The following EIF3D variants were observed in gnomAD, a reference collection of about 807,000 sequenced individuals.
EIF3D encodes the protein eIF3 p66.
A neutral mutation model predicts 75.4 loss-of-function variants in EIF3D; 10 were observed. The observed-to-expected ratio is 0.13, with a 90% CI of 0.08 to 0.22. The LOEUF is 0.22. Among genes scored for constraint, EIF3D ranks in the 10% least tolerant of loss-of-function variants. The probability of loss-of-function intolerance (pLI) is 1.00; values close to 1 mark genes in which losing one functional copy is unlikely to be tolerated. For missense variants in EIF3D, 394 were observed against 708.0 expected (o/e 0.56, Z 5.03); for synonymous variants, 246 against 248.3 (o/e 0.99, Z 0.09).
At chr22:36,520,481 C>G (rs965359127) in intron 7 of EIF3D, 95 bp downstream of exon 7, 1 of 852,298 alleles carries the variant, frequency 1.2e-6, no homozygotes, top group Non-Finnish European at 1.8e-6. Context: ...GGCTTCAAAG[C>G]CTTTTTGGAA....
chr22:36,517,949 T>C (rs1275998937), intron 9 of EIF3D, among the ~76,000 whole-genome samples: 1 of 152,008 alleles, frequency 6.6e-6, no homozygotes, highest in African/African-American at 2.4e-5. Context: ...GGTTTCACCA[T>C]GTTGGCCAGG....
intron 13 of EIF3D, among the ~76,000 whole-genome samples, chr22:36,512,036 G>A (rs539305584): frequency 1.8e-4 from 27 of 151,518 alleles, no homozygotes; most frequent in Middle Eastern, 3.4e-3. Flanking sequence ...GGCTACAGGC[G>A]CCCGCCACTA....
chr22:36,512,718 C>A, intron 12 of EIF3D, 116 bp from the exon 13 acceptor site: 1 of 1,190,958 alleles, frequency 8.4e-7, no homozygotes, highest in Non-Finnish European at 1.2e-6. Flanking sequence ...TGGGTAGGTA[C>A]GCACTAAATC....
rs772754320 is a variant in EIF3D at position 36,529,140 on chromosome 22, A to G, written c.-75T>C. On this transcript the variant is annotated 5_prime_UTR_variant, in exon 1 of 15. Coordinates refer to ENST00000216190, the MANE Select transcript of EIF3D (RefSeq NM_003753.4). The stretch of plus-strand genomic sequence containing the variant: ...GCGTGCCGGGGACCGCGTTAGCAGC[A>G]GCACTCTTGAGAAACCAGGAAAAGA... 2.5e-6 allele frequency: 1 copy of G among 396,460 alleles called. No individual in the cohort carries two copies. Among genetic ancestry groups the G allele is most frequent in the East Asian group, 3.6e-5 (1 of 28,026 alleles). 24.6% of individuals were successfully genotyped at this position (396,460 alleles called of 1,614,324 possible). A position where few individuals can be genotyped will look rare whatever the true frequency, so the allele number is the denominator to read the frequency against.
At position 36,522,716 on chromosome 22, in the gene EIF3D, T is replaced by C. The variant is rs117281477; in HGVS notation, c.465+493A>G. Among the ~76,000 whole-genome samples, 1,154 of 152,352 alleles carry C rather than the reference T, an allele frequency of 7.6e-3. 5 individuals carry two copies. Among genetic ancestry groups the C allele is most frequent in the Admixed American group, 0.012 (183 of 15,296 alleles). ...ATTCATTTGGCAATCTGGTTGCTACTGCGGCAGTGTCGGGAGGTAGGGCCT... is the reference window on the plus strand; with the variant it reads ...ATTCATTTGGCAATCTGGTTGCTACCGCGGCAGTGTCGGGAGGTAGGGCCT... On this transcript the variant is annotated intron_variant, in intron 6 of 14. Coordinates refer to ENST00000216190, the MANE Select transcript of EIF3D (RefSeq NM_003753.4).
At chr22:36,528,962 C>G (rs967261329) in intron 1 of EIF3D, 114 bp downstream of exon 1, 1 of 253,898 alleles carries the variant, frequency 3.9e-6, no homozygotes, top group Non-Finnish European at 7.4e-6. Context: ...AGCGGAGGGA[C>G]GGCAACAGCA....
chr22:36,517,171 C>G (rs1247613007), intron 10 of EIF3D, 130 bp downstream of exon 10: 1 of 1,243,074 alleles, frequency 8.0e-7, no homozygotes, highest in African/African-American at 1.5e-5. Flanking sequence ...ATGTAACTCC[C>G]CTGCTAAAGG....
chr22:36,512,292 G>A (rs1375951028), intron 13 of EIF3D, among the ~76,000 whole-genome samples, 168 bp downstream of exon 13: 1 of 152,188 alleles, frequency 6.6e-6, no homozygotes, highest in Non-Finnish European at 1.5e-5. Context: ...CATTCAGCAT[G>A]CCTGCTGTTT....
intron 12 of EIF3D, 35 bp from the exon 13 acceptor site, chr22:36,512,637 G>A (rs1377077276): frequency 1.9e-6 from 3 of 1,594,896 alleles, no homozygotes; most frequent in Admixed American, 3.4e-5. Flanking sequence ...ACAGAAGCAA[G>A]CTCCAAATGC....
At position 36,523,751 on chromosome 22, in the gene EIF3D, A is replaced by T; in HGVS notation, c.392+144T>A. ...TGAACCAGCCTGAGAACGACAAGCTAAAAGGGGGCTTAACTGGTTGTAGAA... is the reference window on the plus strand; with the variant it reads ...TGAACCAGCCTGAGAACGACAAGCTTAAAGGGGGCTTAACTGGTTGTAGAA... On this transcript the variant is annotated intron_variant, in intron 5 of 14. Coordinates refer to ENST00000216190, the MANE Select transcript of EIF3D (RefSeq NM_003753.4). 1.2e-5 allele frequency: 9 copies of T among 771,592 alleles called. 1 individual carries two copies. In the South Asian group the frequency reaches 1.4e-4, roughly 12 times the overall value. 47.8% of individuals were successfully genotyped at this position (771,592 alleles called of 1,614,324 possible).
At chr22:36,518,445 C>A (rs942699288) in intron 9 of EIF3D, among the ~76,000 whole-genome samples, 1 of 151,346 alleles carries the variant, frequency 6.6e-6, no homozygotes, top group Non-Finnish European at 1.5e-5. Flanking sequence ...GCCAAGACTG[C>A]GCCACTGCAC....
At chr22:36,512,757 C>A (rs1934360246) in intron 12 of EIF3D, 155 bp from the exon 13 acceptor site, 1 of 824,536 alleles carries the variant, frequency 1.2e-6, no homozygotes, top group Non-Finnish European at 1.8e-6. Context: ...AGACATAGTC[C>A]CTTCCCTTGC....
chr22:36,517,510 A>T lies in EIF3D; in HGVS notation c.860-79T>A, dbSNP rs149537299. 89 of 1,461,926 alleles carry T rather than the reference A, an allele frequency of 6.1e-5. 1 individual carries two copies. In the East Asian group the frequency reaches 2.2e-3, roughly 36 times the overall value. The allele number at this position is 1,461,926 out of a possible 1,614,324, so 90.6% of individuals were successfully genotyped here. On this transcript the variant is annotated intron_variant, in intron 9 of 14. Coordinates refer to ENST00000216190, the MANE Select transcript of EIF3D (RefSeq NM_003753.4). The stretch of plus-strand genomic sequence containing the variant: ...TGCGCAGCGCTGTGGGGAGATGTGG[A>T]GAGGCAAACAACACAAGTCCTTCCT...
chr22:36,522,649 C>T lies in EIF3D; in HGVS notation c.465+560G>A, dbSNP rs539924556. Among the ~76,000 whole-genome samples, 7 of 151,528 alleles carry T rather than the reference C, an allele frequency of 4.6e-5. No homozygotes were observed. The South Asian group carries it at 1.5e-3, about 31-fold the overall frequency. Reference sequence around the variant, plus strand: ...AAAACAGATTCATAGCTGCCTACTGCTGGGCTACTGGGGGTGCTGGTGTTT... The same window carrying T: ...AAAACAGATTCATAGCTGCCTACTGTTGGGCTACTGGGGGTGCTGGTGTTT... On this transcript the variant is annotated intron_variant, in intron 6 of 14. Coordinates refer to ENST00000216190, the MANE Select transcript of EIF3D (RefSeq NM_003753.4).
intron 12 of EIF3D, among the ~76,000 whole-genome samples, chr22:36,514,125 G>A (rs1934386108): frequency 6.6e-6 from 1 of 152,198 alleles, no homozygotes; most frequent in Non-Finnish European, 1.5e-5. Context: ...AGATGTTGGA[G>A]GCTCAGAGCT....
Position 36,516,745 on chromosome 22 carries a change from C to T in EIF3D, c.1036G>A (p.Asp346Asn), listed in dbSNP as rs777383675. Residue 346 changes from aspartate (D) to asparagine (N), a missense_variant, in exon 11 of 15, where the codon GAC becomes AAC. Physicochemically the swap from Asp to Asn is conservative, Grantham distance 23. Coordinates refer to ENST00000216190, the MANE Select transcript of EIF3D (RefSeq NM_003753.4). ...NFPNPNPFVE[D>N]DMDKNEIASV... ...GCGATTTCATTCTTATCCATGTCGT[C>T]CTCCACAAACGGGTTTGGGTTGGGG... 1.3e-5 allele frequency: 21 copies of T among 1,614,118 alleles called. No individual in the cohort carries two copies. The highest frequency in any genetic ancestry group is 1.7e-5 in the Non-Finnish European group (20 of 1,180,048).
chr22:36,510,856 A>G lies in EIF3D; in HGVS notation c.*131T>C. The G allele has an allele frequency of 9.0e-7, 1 of 1,109,044 alleles. No homozygotes were observed. Among genetic ancestry groups the G allele is most frequent in the Non-Finnish European group, 1.2e-6 (1 of 810,758 alleles). 68.7% of individuals were successfully genotyped at this position (1,109,044 alleles called of 1,614,324 possible). On this transcript the variant is annotated 3_prime_UTR_variant, in exon 15 of 15. Transcript: ENST00000216190. The stretch of plus-strand genomic sequence containing the variant: ...CGTTAATGCAGGCAGACGATGAGGG[A>G]AAGACTAAACAGATATATATTTTAT...
intron 13 of EIF3D, 46 bp downstream of exon 13, chr22:36,512,414 C>T (rs751463258): frequency 2.5e-6 from 4 of 1,610,528 alleles, no homozygotes; most frequent in Non-Finnish European, 3.4e-6. Context: ...TACCCAGACC[C>T]TTCCTTTCAC....
rs774844965 is a variant in EIF3D, at chr22:36,524,722, G to A, written c.180C>T (p.Ser60=). ...ATTGACTTCCACCACCAAACTGAGA[G>A]GAGTACTTATCTGGAGGCAAAGGTG... The part of the protein sequence containing the change: ...YQDKRYTNKY[S]SQFGGGSQYA... Residue 60 remains serine, a synonymous_variant, in exon 4 of 15, where the codon TCC becomes TCT. Coordinates refer to ENST00000216190, the MANE Select transcript of EIF3D (RefSeq NM_003753.4). 1 of 1,614,206 alleles carries A rather than the reference G, an allele frequency of 6.2e-7. No homozygotes were observed. The highest frequency in any genetic ancestry group is 8.5e-7 in the Non-Finnish European group (1 of 1,180,034).
Sources: allele counts gnomAD v4.1 joint callset (sites outside exome capture counted in the v4.1 genomes callset), GRCh38; gene constraint gnomAD v4.1.1; transcripts MANE v1.5; gene names NCBI Gene and HGNC (gene_info 2026-07-23, HGNC 2026-07-21).